ITSN1: variants seen among roughly 807,000 people sequenced by gnomAD.
ITSN1 encodes intersectin 1.
Under a neutral mutation model 239.8 loss-of-function variants are expected in ITSN1, and 58 were observed. The observed-to-expected ratio is 0.24, with a 90% CI of 0.20 to 0.30. ITSN1 has a LOEUF of 0.30. Ranked by LOEUF, ITSN1 falls within the 10% of genes least tolerant of loss-of-function variation. ITSN1 has a pLI of 1.00. For missense variants in ITSN1, 1,558 were observed against 2,103.3 expected, an observed-to-expected ratio of 0.74 and a Z score of 5.07; for synonymous variants, 780 against 770.8, an observed-to-expected ratio of 1.01 and a Z score of -0.20.
At chr21:33,743,926 T>G (rs77580864) in intron 5 of ITSN1, among the ~76,000 whole-genome samples, 4,804 of 152,308 alleles carry the variant, frequency 0.032, 268 homozygotes, top group African/African-American at 0.11. Flanking sequence ...AGACAAAACG[T>G]TACCAATTTA....
At chr21:33,760,551 T>C (rs927153017) in intron 8 of ITSN1, among the ~76,000 whole-genome samples, 4 of 152,190 alleles carry the variant, frequency 2.6e-5, no homozygotes, top group African/African-American at 9.7e-5. Flanking sequence ...GCTAAGCTCA[T>C]TGCCCCAATG....
At chr21:33,670,917 CT>C (rs1448059312) in intron 1 of ITSN1, among the ~76,000 whole-genome samples, 1 of 152,182 alleles carries the variant, frequency 6.6e-6, no homozygotes, top group Admixed American at 6.5e-5. Context: ...CTGTGAGCAA[CT>C]TTTGGTAAAA....
intron 14 of ITSN1, among the ~76,000 whole-genome samples, chr21:33,777,301 G>C (rs542102816): frequency 2.6e-5 from 4 of 152,038 alleles, no homozygotes; most frequent in Non-Finnish European, 5.9e-5. Flanking sequence ...GTCTATTCTG[G>C]ACTCTATTCT....
intron 6 of ITSN1, among the ~76,000 whole-genome samples, 163 bp from the exon 7 acceptor site, chr21:33,751,647 G>A (rs2067561538): frequency 6.6e-6 from 1 of 152,184 alleles, no homozygotes; most frequent in Non-Finnish European, 1.5e-5. Flanking sequence ...TTTTTGGCAG[G>A]AGGACAGAGG....
At chr21:33,643,076 C>A (rs138588759) in intron 1 of ITSN1, among the ~76,000 whole-genome samples, 6,350 of 150,754 alleles carry the variant, frequency 0.042, 161 homozygotes, top group Non-Finnish European at 0.066. Context: ...GCCGCTCCTT[C>A]CCGGGCTGAC....
chr21:33,748,198 G>T (rs1018244346), intron 5 of ITSN1, among the ~76,000 whole-genome samples: 13 of 152,158 alleles, frequency 8.5e-5, no homozygotes, highest in African/African-American at 2.9e-4. Flanking sequence ...TGCATACAGT[G>T]GCTCAGCCCT....
intron 26 of ITSN1, chr21:33,828,969 T>C (rs1411129373): frequency 2.1e-6 from 1 of 471,632 alleles, no homozygotes; most frequent in Non-Finnish European, 4.4e-6. Context: ...TAACTCCAGG[T>C]CCCTCCTGTA....
chr21:33,847,739 T>C (rs1022521646), intron 29 of ITSN1, among the ~76,000 whole-genome samples: 2 of 152,178 alleles, frequency 1.3e-5, no homozygotes, highest in African/African-American at 2.4e-5. Flanking sequence ...TGACCTGCCA[T>C]GGGCTGGATT....
At position 33,832,480 on chromosome 21, in the gene ITSN1, A is replaced by T. The variant is rs549175221; in HGVS notation, c.3352-1827A>T. Among the ~76,000 whole-genome samples the T allele has an allele frequency of 1.0e-3, 157 of 152,272 alleles. 1 individual carries two copies. The highest frequency in any genetic ancestry group is 3.0e-3 in the African/African-American group (124 of 41,548). On this transcript the variant is annotated intron_variant, in intron 27 of 39. Transcript: ENST00000381318. ...AGTGAGTGTTTGAGTGGTTCTTAGG[A>T]TTCTCAATAAAGTGGCTGAGTTGCC...
Position 33,882,500 on chromosome 21 carries a change from G to T in ITSN1, c.4554+45G>T. On this transcript the variant is annotated intron_variant, in intron 35 of 39. Transcript: ENST00000381318. This position sits in a 1 kb window ranked among gnomAD's most constrained non-coding sequence, Gnocchi z 4.5. ...TTGCATTATCAGGGTTGACGTGTTT[G>T]GGGAGGAAGAAGTTTCCAAAAAGGA... is the stretch of plus-strand genomic sequence containing the variant. The T allele has an allele frequency of 6.4e-7, 1 of 1,553,318 alleles. No homozygotes were observed. The highest frequency in any genetic ancestry group is 1.1e-5 in the South Asian group (1 of 87,538).
In ITSN1 at chr21:33,891,442, T is replaced by A. The variant is rs1986359202; in HGVS notation, c.*3142T>A. On this transcript the variant is annotated 3_prime_UTR_variant, in exon 40 of 40. Coordinates refer to ENST00000381318, the MANE Select transcript of ITSN1 (RefSeq NM_003024.3). Reference sequence around the variant, plus strand: ...CTGATTTCTTTGGGTAGAGTAGCCCTGAATTTAACTGGGGAAAAAATCCCA... The same window carrying A: ...CTGATTTCTTTGGGTAGAGTAGCCCAGAATTTAACTGGGGAAAAAATCCCA... The A allele has an allele frequency of 6.6e-6, 1 of 152,156 alleles. No homozygotes were observed. Among genetic ancestry groups the A allele is most frequent in the Non-Finnish European group, 1.5e-5 (1 of 68,020 alleles). 9.4% of individuals were successfully genotyped at this position (152,156 alleles called of 1,614,324 possible).
At chr21:33,657,016 C>T (rs1037557696) in intron 1 of ITSN1, among the ~76,000 whole-genome samples, 16 of 152,120 alleles carry the variant, frequency 1.1e-4, no homozygotes, top group African/African-American at 2.4e-4. Flanking sequence ...CCACCATGTC[C>T]GGCCTTTTTT....
Position 33,899,186 on chromosome 21 carries a change from C to G in ITSN1, c.*10886C>G, listed in dbSNP as rs933124264. ...TGGTTGTTTCAAAAAAGTCTGGGGA[C>G]AAGAAAAGCTAGAACATGGGGCCCT... On this transcript the variant is annotated 3_prime_UTR_variant, in exon 40 of 40. Coordinates refer to ENST00000381318, the MANE Select transcript of ITSN1 (RefSeq NM_003024.3). 1 of 152,232 alleles carries G rather than the reference C, an allele frequency of 6.6e-6. No individual in the cohort carries two copies. The highest frequency in any genetic ancestry group is 2.4e-5 in the African/African-American group (1 of 41,452). 9.4% of individuals were successfully genotyped at this position (152,232 alleles called of 1,614,324 possible).
intron 8 of ITSN1, chr21:33,756,762 T>A (rs2067949402): frequency 6.6e-6 from 1 of 152,210 alleles, no homozygotes; most frequent in South Asian, 2.1e-4. Context: ...GCCTACCTTA[T>A]GCAGGCTCTG....
chr21:33,869,655 C>T (rs1394019682), intron 33 of ITSN1, among the ~76,000 whole-genome samples: 1 of 152,210 alleles, frequency 6.6e-6, no homozygotes, highest in African/African-American at 2.4e-5. Context: ...ATTTAGATGT[C>T]CTCTGAGCCT....
intron 27 of ITSN1, among the ~76,000 whole-genome samples, chr21:33,830,481 A>G (rs1197785592): frequency 6.6e-6 from 1 of 152,184 alleles, no homozygotes; most frequent in Non-Finnish European, 1.5e-5. Flanking sequence ...AATGATGAGC[A>G]GTGGGGAGAC....
chr21:33,831,242 G>T (rs144311970), intron 27 of ITSN1, among the ~76,000 whole-genome samples: 2 of 152,190 alleles, frequency 1.3e-5, no homozygotes, highest in Non-Finnish European at 2.9e-5. Flanking sequence ...TCCCTGGCTT[G>T]CCCACATGGG....
chr21:33,749,248 C>G (rs965960212), intron 5 of ITSN1, among the ~76,000 whole-genome samples: 8 of 152,122 alleles, frequency 5.3e-5, no homozygotes, highest in Admixed American at 3.3e-4. Context: ...CCTTGGCCTT[C>G]CAAAGTAGTG....
intron 4 of ITSN1, among the ~76,000 whole-genome samples, chr21:33,724,511 T>C (rs2065697387): frequency 6.6e-6 from 1 of 152,234 alleles, no homozygotes; most frequent in Admixed American, 6.5e-5. Context: ...TCTCATACCA[T>C]CAGGACCTCT....
Sources: allele counts gnomAD v4.1 joint callset (sites outside exome capture counted in the v4.1 genomes callset), GRCh38; gene constraint gnomAD v4.1.1; non-coding constraint Gnocchi (gnomAD v3.1); transcripts MANE v1.5; gene names NCBI Gene and HGNC (gene_info 2026-07-23, HGNC 2026-07-21).